Variants in VPS53 observed in about 807,000 individuals in gnomAD.
VPS53 encodes vacuolar protein sorting-associated protein 53 homolog.
A neutral mutation model predicts 107.0 loss-of-function variants in VPS53; 70 were observed. The observed-to-expected ratio is 0.65, with a 90% CI of 0.54 to 0.80. The LOEUF (loss-of-function observed/expected upper bound fraction) is 0.80. Among genes scored for constraint, VPS53 ranks in the 30% least tolerant of loss-of-function variants. The pLI is 0.00. For synonymous variants in VPS53, 409 were observed against 393.3 expected (o/e 1.04, Z -0.47); for missense variants, 917 against 1,049.4 (o/e 0.87, Z 1.74).
intron 12 of VPS53, among the ~76,000 whole-genome samples, chr17:589,084 TTTTA>T (rs1402836109): frequency 1.3e-5 from 2 of 151,906 alleles, no homozygotes; most frequent in Non-Finnish European, 2.9e-5. Context: ...TAGCTATTCT[TTTTA>T]TTTAATTTTT....
chr17:661,989 T>A, intron 4 of VPS53, 94 bp from the exon 5 acceptor site: 2 of 1,119,696 alleles, frequency 1.8e-6, no homozygotes, highest in Non-Finnish European at 2.6e-6. Context: ...GAAATTTCCA[T>A]GAAGCTCTCC....
At chr17:586,809 T>C (rs1454009549) in intron 12 of VPS53, among the ~76,000 whole-genome samples, 1 of 152,220 alleles carries the variant, frequency 6.6e-6, no homozygotes. Flanking sequence ...ACTACTACTA[T>C]TTTACACCTC....
rs1466418744 is a variant in VPS53 at position 519,298 on chromosome 17, CCT to C, written c.2329-2_2329-1del. 1.8e-5 allele frequency: 26 copies of C among 1,479,474 alleles called. No homozygotes were observed. The highest frequency in any genetic ancestry group is 2.5e-5 in the East Asian group (1 of 39,936). 91.6% of individuals were successfully genotyped at this position (1,479,474 alleles called of 1,614,324 possible). A position where few individuals can be genotyped will look rare whatever the true frequency, so the allele number is the denominator to read the frequency against. ...CTGCTCTGCTCACTCCTCTTCAGCC[CCT>C]GAGGTTGAGAGAGAAACAGAACCGT... On this transcript the variant is annotated splice_acceptor_variant, in intron 21 of 21. Coordinates refer to ENST00000437048, the MANE Select transcript of VPS53 (RefSeq NM_001128159.3). LOFTEE classifies it high-confidence loss of function. The surrounding 1 kb of genome is among the most constrained non-coding windows in gnomAD (Gnocchi z 5.0).
intron 1 of VPS53, 97 bp from the exon 2 acceptor site, chr17:710,710 T>G (rs1333749884): frequency 1.1e-6 from 1 of 913,988 alleles, no homozygotes; most frequent in African/African-American, 1.7e-5. Context: ...CCGGGCACGG[T>G]GGCTCATGCC....
chr17:579,328 A>G (rs1411841793), intron 13 of VPS53, among the ~76,000 whole-genome samples: 1 of 150,430 alleles, frequency 6.6e-6, no homozygotes, highest in Non-Finnish European at 1.5e-5. Flanking sequence ...TCAGAATTTA[A>G]TGCGTTCCCA....
rs926128510 is a variant in VPS53, at chr17:584,397, G to A, written c.1313+1873C>T. Among the ~76,000 whole-genome samples, 12 of 152,198 alleles carry A rather than the reference G, an allele frequency of 7.9e-5. No individual in the cohort carries two copies. In the East Asian group the frequency reaches 2.1e-3, roughly 27 times the overall value. Reference sequence around the variant, plus strand: ...TGGAGCACGAACACAGTCTTCGGCTGTTAGTTTGGAAGTCTTTGGGATTTT... The same window carrying A: ...TGGAGCACGAACACAGTCTTCGGCTATTAGTTTGGAAGTCTTTGGGATTTT... On this transcript the variant is annotated intron_variant, in intron 13 of 21. Coordinates refer to ENST00000437048, the MANE Select transcript of VPS53 (RefSeq NM_001128159.3).
At chr17:656,955 T>A in intron 5 of VPS53, 1 of 1,046,238 alleles carries the variant, frequency 9.6e-7, no homozygotes, top group African/African-American at 1.6e-5. Context: ...CTGGTGTCTT[T>A]CACATGAACC....
At position 586,185 on chromosome 17, in the gene VPS53, G is replaced by A. The variant is rs144625101; in HGVS notation, c.1313+85C>T. 5.0e-4 allele frequency: 616 copies of A among 1,239,628 alleles called. 1 individual carries two copies. The highest frequency in any genetic ancestry group is 6.0e-4 in the Non-Finnish European group (511 of 846,236). The allele number at this position is 1,239,628 out of a possible 1,614,324, so 76.8% of individuals were successfully genotyped here. On this transcript the variant is annotated intron_variant, in intron 13 of 21. Transcript: ENST00000437048. Reference sequence around the variant, plus strand: ...CATGCCACAACCATCTTTCAGCCCCGGAAGGAGCTGTGCGCTCCTAAGACC... The same window carrying A: ...CATGCCACAACCATCTTTCAGCCCCAGAAGGAGCTGTGCGCTCCTAAGACC...
Position 714,803 on chromosome 17 carries a change from G to T in VPS53, c.-94C>A. 1.4e-6 allele frequency: 2 copies of T among 1,396,636 alleles called. No individual in the cohort carries two copies. The highest frequency in any genetic ancestry group is 2.0e-6 in the Non-Finnish European group (2 of 989,926). The allele number at this position is 1,396,636 out of a possible 1,614,324, so 86.5% of individuals were successfully genotyped here. Reference sequence around the variant, plus strand: ...CCAGCACAGCAACTCCCTCGCGGCAGCGACCTGGTGAGCCCGGCTCCGTCA... The same window carrying T: ...CCAGCACAGCAACTCCCTCGCGGCATCGACCTGGTGAGCCCGGCTCCGTCA... On this transcript the variant is annotated 5_prime_UTR_variant, in exon 1 of 22. It adds an upstream start codon to the 5' untranslated region. Transcript: ENST00000437048.
chr17:661,710 G>A, intron 5 of VPS53, 99 bp downstream of exon 5: 3 of 1,136,284 alleles, frequency 2.6e-6, no homozygotes, highest in Non-Finnish European at 3.8e-6. Context: ...TGGTTGGCAG[G>A]AGGTGCCATT....
intron 4 of VPS53, among the ~76,000 whole-genome samples, chr17:662,942 C>T (rs1411544407): frequency 6.6e-6 from 1 of 151,770 alleles, no homozygotes; most frequent in African/African-American, 2.4e-5. Flanking sequence ...AATGGTGGCT[C>T]ACACCTGTAA....
intron 17 of VPS53, chr17:551,633 CTT>C: frequency 1.3e-4 from 34 of 268,426 alleles, no homozygotes; most frequent in East Asian, 2.6e-4. Context: ...TACTTCGTCT[CTT>C]TTTTTTTTGC....
At chr17:534,893 G>A (rs1029095082) in intron 18 of VPS53, among the ~76,000 whole-genome samples, 1 of 151,478 alleles carries the variant, frequency 6.6e-6, no homozygotes, top group Admixed American at 6.6e-5. Flanking sequence ...ACTCCAGCCT[G>A]GGTAACAGAG....
intron 7 of VPS53, among the ~76,000 whole-genome samples, chr17:634,252 G>A (rs893882618): frequency 2.0e-5 from 3 of 152,040 alleles, no homozygotes; most frequent in Non-Finnish European, 4.4e-5. Context: ...GAACTGAGGT[G>A]GCAGAAAGGA....
intron 19 of VPS53, among the ~76,000 whole-genome samples, chr17:525,975 C>T (rs1373496232): frequency 9.4e-6 from 1 of 106,672 alleles, no homozygotes; most frequent in Non-Finnish European, 1.7e-5. Context: ...CCAGACTGGG[C>T]AACACGGTGA....
chr17:663,262 A>T (rs117106685), intron 4 of VPS53, among the ~76,000 whole-genome samples: 1 of 152,332 alleles, frequency 6.6e-6, no homozygotes, highest in East Asian at 1.9e-4. Context: ...AAAACCTACA[A>T]GGACAGATGC....
chr17:529,582 A>G (rs1195880565), intron 19 of VPS53, among the ~76,000 whole-genome samples: 1 of 152,118 alleles, frequency 6.6e-6, no homozygotes, highest in African/African-American at 2.4e-5. Context: ...GAAAGACTCC[A>G]TATGTATTTC....
At chr17:626,477 C>T (rs1969714853) in intron 10 of VPS53, among the ~76,000 whole-genome samples, 1 of 152,154 alleles carries the variant, frequency 6.6e-6, no homozygotes, top group Non-Finnish European at 1.5e-5. Context: ...ACTTCAAGAC[C>T]AGCCTGGCCA....
chr17:565,932 G>A (rs534756574), intron 13 of VPS53, among the ~76,000 whole-genome samples: 21 of 152,136 alleles, frequency 1.4e-4, no homozygotes, highest in South Asian at 4.1e-4. Context: ...GGCCGGGCGC[G>A]GTGGCTCACG....
Sources: allele counts gnomAD v4.1 joint callset (sites outside exome capture counted in the v4.1 genomes callset), GRCh38; gene constraint gnomAD v4.1.1; non-coding constraint Gnocchi (gnomAD v3.1); transcripts MANE v1.5; gene names NCBI Gene and HGNC (gene_info 2026-07-23, HGNC 2026-07-21).